DENND2B: variants seen among roughly 807,000 people sequenced by gnomAD.
The protein encoded by DENND2B is DENN domain containing 2B, also known as DENN domain-containing protein 2B.
In DENND2B, 32 loss-of-function variants were observed where a neutral mutation model predicts 116.0. That is an observed-to-expected ratio of 0.28 (90% CI 0.21 to 0.37). The LOEUF (loss-of-function observed/expected upper bound fraction) is 0.37. Among genes scored for constraint, DENND2B ranks in the 10% least tolerant of loss-of-function variants. The probability of loss-of-function intolerance (pLI) is 1.00; values close to 1 mark genes in which losing one functional copy is unlikely to be tolerated. For missense variants in DENND2B, 1,276 were observed against 1,477.7 expected (o/e 0.86, Z 2.24); for synonymous variants, 588 against 583.9 (o/e 1.01, Z -0.10).
intron 15 of DENND2B, 28 bp downstream of exon 15, chr11:8,699,185 C>T: frequency 3.2e-6 from 5 of 1,538,614 alleles, no homozygotes; most frequent in Non-Finnish European, 4.4e-6. Context: ...TCCACCCTTC[C>T]CCCCAGCTGG....
chr11:8,896,164 G>A (rs910401334), intron 1 of DENND2B, among the ~76,000 whole-genome samples: 1 of 152,086 alleles, frequency 6.6e-6, no homozygotes, highest in Non-Finnish European at 1.5e-5. Context: ...TACTAACCCT[G>A]GAGATCTGGC....
intron 2 of DENND2B, among the ~76,000 whole-genome samples, chr11:8,736,909 A>C (rs556372959): frequency 5.1e-4 from 77 of 152,364 alleles, no homozygotes; most frequent in South Asian, 1.9e-3. Flanking sequence ...ATCTGACTTC[A>C]CATCAGAGGA....
At chr11:8,908,802 T>G (rs972642400) in intron 1 of DENND2B, among the ~76,000 whole-genome samples, 10 of 152,214 alleles carry the variant, frequency 6.6e-5, no homozygotes, top group African/African-American at 2.4e-4. Context: ...TTATGTGCAT[T>G]CTTTCCTCTT....
At chr11:8,804,168 C>T (rs576674624) in intron 1 of DENND2B, among the ~76,000 whole-genome samples, 16 of 152,324 alleles carry the variant, frequency 1.1e-4, no homozygotes, top group Non-Finnish European at 2.4e-4. Context: ...CTGCCGTGTC[C>T]TCAAAATCTC....
At position 8,698,977 on chromosome 11, in the gene DENND2B, G is replaced by C; in HGVS notation, c.2899-3C>G. ...GATCCCAGATTCACCATCAGCGCCT[G>C]AGAAAAGGAGTCATTAGCAGAGTGG... is the stretch of plus-strand genomic sequence containing the variant. On this transcript the variant is annotated splice_region_variant and splice_polypyrimidine_tract_variant and intron_variant, in intron 15 of 19. Coordinates refer to ENST00000313726, the MANE Select transcript of DENND2B (RefSeq NM_213618.2). 1 of 1,614,190 alleles carries C rather than the reference G, an allele frequency of 6.2e-7. No homozygotes were observed. The highest frequency in any genetic ancestry group is 8.5e-7 in the Non-Finnish European group (1 of 1,180,046).
intron 1 of DENND2B, among the ~76,000 whole-genome samples, chr11:8,755,490 T>C (rs1405322980): frequency 6.6e-6 from 1 of 152,176 alleles, no homozygotes; most frequent in Admixed American, 6.5e-5. Flanking sequence ...GGGAGTGGTA[T>C]GTTAACTGGA....
chr11:8,701,426 C>G (rs1036689882), intron 14 of DENND2B, among the ~76,000 whole-genome samples: 3 of 151,666 alleles, frequency 2.0e-5, no homozygotes, highest in Admixed American at 1.3e-4. Context: ...CAAACACCGC[C>G]TCCTCCAGCC....
chr11:8,828,445 C>T (rs971958917), intron 4 of DENND2B, among the ~76,000 whole-genome samples: 1 of 152,084 alleles, frequency 6.6e-6, no homozygotes, highest in African/African-American at 2.4e-5. Flanking sequence ...GCTGTATCTG[C>T]GGGGAAGCTG....
At position 8,730,725 on chromosome 11, in the gene DENND2B, C is replaced by G. The variant is rs1454918785; in HGVS notation, c.565G>C (p.Glu189Gln). The change falls in exon 3 of 20, where the codon GAG becomes CAG. Residue 189 changes from glutamate to glutamine, a missense_variant. Glu to Gln is a conservative substitution (Grantham distance 29). Coordinates refer to ENST00000313726, the MANE Select transcript of DENND2B (RefSeq NM_213618.2). The surrounding 1 kb of genome is among the most constrained non-coding windows in gnomAD (Gnocchi z 4.1). The part of the protein sequence containing the change: ...PRMSMCGEKR[E>Q]GSGSEWAASE... ...GCCGCCCACTCGCTCCCAGAGCCCT[C>G]CCGCTTCTCTCCACACATGCTCATC... 1.2e-5 allele frequency: 19 copies of G among 1,612,334 alleles called. No individual in the cohort carries two copies. Among genetic ancestry groups the G allele is most frequent in the Non-Finnish European group, 1.6e-5 (19 of 1,179,910 alleles).
At chr11:8,859,308 T>C (rs2063309897) in intron 2 of DENND2B, among the ~76,000 whole-genome samples, 1 of 152,052 alleles carries the variant, frequency 6.6e-6, no homozygotes, top group African/African-American at 2.4e-5. Flanking sequence ...GTTTGTTTGT[T>C]TGTTTGTTTG....
chr11:8,696,551 C>T lies in DENND2B; in HGVS notation c.3168G>A (p.Gln1056=). The change falls in exon 18 of 20, where the codon CAG becomes CAA. Residue 1056 remains glutamine (Q), a synonymous_variant. Coordinates refer to ENST00000313726, the MANE Select transcript of DENND2B (RefSeq NM_213618.2). ...TQSEKGERAF[Q]REAFRKSVAS... ...CCACAGATTTGCGGAAGGCCTCTCG[C>T]TGAAAGGCCCTCTCTCCCTTCTCAC... 1 of 1,614,204 alleles carries T rather than the reference C, an allele frequency of 6.2e-7. No individual in the cohort carries two copies. The highest frequency in any genetic ancestry group is 8.5e-7 in the Non-Finnish European group (1 of 1,180,038).
At chr11:8,872,646 C>G (rs1172854252), upstream of DENND2B, among the ~76,000 whole-genome samples, 3 of 152,080 alleles carry the variant, frequency 2.0e-5, no homozygotes, top group African/African-American at 7.2e-5. Flanking sequence ...CTCTTTGTCT[C>G]CAAAATACTG....
intron 2 of DENND2B, among the ~76,000 whole-genome samples, chr11:8,750,272 A>G (rs1477728992): frequency 6.6e-6 from 1 of 152,118 alleles, no homozygotes; most frequent in Non-Finnish European, 1.5e-5. Flanking sequence ...CCTTAGCCCA[A>G]TGTGGTCAGC....
chr11:8,707,878 G>T lies in DENND2B; in HGVS notation c.2353-24C>A. On this transcript the variant is annotated intron_variant, in intron 11 of 19. Transcript: ENST00000313726. The surrounding 1 kb of genome is among the most constrained non-coding windows in gnomAD (Gnocchi z 4.8). ...GGCTGGGCCAGGACAAGGAGGAGGA[G>T]GAGAGAGACAGACACAGAGAATGCA... The T allele has an allele frequency of 6.3e-7, 1 of 1,597,512 alleles. No homozygotes were observed. Among genetic ancestry groups the T allele is most frequent in the Middle Eastern group, 1.7e-4 (1 of 6,050 alleles).
chr11:8,813,409 A>G (rs2061461969), upstream of DENND2B, among the ~76,000 whole-genome samples: 1 of 152,128 alleles, frequency 6.6e-6, no homozygotes, highest in Non-Finnish European at 1.5e-5. Flanking sequence ...AAAGAAAGAC[A>G]AGACAGAAGG....
chr11:8,730,503 T>G lies in DENND2B; in HGVS notation c.787A>C (p.Ser263Arg), dbSNP rs770478381. The G allele has an allele frequency of 1.2e-6, 2 of 1,612,460 alleles. No individual in the cohort carries two copies. Among genetic ancestry groups the G allele is most frequent in the Admixed American group, 1.7e-5 (1 of 60,038 alleles). The change falls in exon 3 of 20, where the codon AGT becomes CGT. Residue 263 changes from serine to arginine, a missense_variant. By Grantham distance (110) the Ser-to-Arg change is moderately radical. Coordinates refer to ENST00000313726, the MANE Select transcript of DENND2B (RefSeq NM_213618.2). This position sits in a 1 kb window ranked among gnomAD's most constrained non-coding sequence, Gnocchi z 4.1. ...CCCCTGAGGAAGGCGCTGGGCTCAC[T>G]CCGGCCCAGCCGTTTCTCCAGCCGG... ...FYRLEKRLGRSEPSAFLRGHG... is the reference protein window; with the variant it reads ...FYRLEKRLGRREPSAFLRGHG...
intron 1 of DENND2B, among the ~76,000 whole-genome samples, chr11:8,771,444 T>C (rs1302910037): frequency 1.3e-5 from 2 of 151,872 alleles, no homozygotes; most frequent in Non-Finnish European, 2.9e-5. Context: ...GATAAATATA[T>C]CTATGTATTC....
At chr11:8,906,683 C>T (rs960382251) in intron 1 of DENND2B, among the ~76,000 whole-genome samples, 1 of 152,142 alleles carries the variant, frequency 6.6e-6, no homozygotes, top group Non-Finnish European at 1.5e-5. Flanking sequence ...AAAGTTAATT[C>T]TCAGAAGTTT....
rs1213183514 is a variant in DENND2B, at chr11:8,731,093, A to G, written c.197T>C (p.Leu66Pro). Residue 66 changes from leucine (L) to proline (P), a missense_variant, in exon 3 of 20, where the codon CTC becomes CCC. Physicochemically the swap from Leu to Pro is moderately conservative, Grantham distance 98. Coordinates refer to ENST00000313726, the MANE Select transcript of DENND2B (RefSeq NM_213618.2). Reference sequence around the variant, plus strand: ...AGCTGGGGGGTGCCGGTCCTTGAGGAGCACCCGGGAGCTGGAGTGGCTGGG... The same window carrying G: ...AGCTGGGGGGTGCCGGTCCTTGAGGGGCACCCGGGAGCTGGAGTGGCTGGG... ...RYPSHSSSRV[L>P]LKDRHPPAPS... The G allele has an allele frequency of 6.2e-7, 1 of 1,609,882 alleles. No individual in the cohort carries two copies. Among genetic ancestry groups the G allele is most frequent in the Non-Finnish European group, 8.5e-7 (1 of 1,177,288 alleles).
Sources: gnomAD v4.1 joint callset for allele counts (sites outside exome capture counted in the v4.1 genomes callset) on GRCh38, gnomAD v4.1.1 for gene constraint, Gnocchi (gnomAD v3.1) non-coding constraint, MANE v1.5 for transcripts, NCBI Gene and HGNC (gene_info 2026-07-23, HGNC 2026-07-21) for gene names.